The following FBXO22 variants were observed in gnomAD, a reference collection of about 807,000 sequenced individuals.
The protein encoded by FBXO22 is F-box only protein 22.
A neutral mutation model predicts 37.2 loss-of-function variants in FBXO22; 13 were observed. That is an observed-to-expected ratio of 0.35 (90% CI 0.23 to 0.56). The LOEUF (loss-of-function observed/expected upper bound fraction) is 0.56, where lower values mean the gene tolerates loss of function less well. FBXO22 is among the 20% of genes least tolerant of loss of function. The pLI is 0.87. For synonymous variants in FBXO22, 189 were observed against 189.1 expected (o/e 1.00, Z 0.00); for missense variants, 446 against 509.9 (o/e 0.87, Z 1.21).
intron 5 of FBXO22, among the ~76,000 whole-genome samples, chr15:75,919,626 GA>G (rs1167712753): frequency 6.6e-6 from 1 of 152,202 alleles, no homozygotes; most frequent in Non-Finnish European, 1.5e-5. Flanking sequence ...TAAATGAAAT[GA>G]CTTTCATAAA....
chr15:75,934,410 ATG>A lies in FBXO22; in HGVS notation c.*1309_*1310del. On this transcript the variant is annotated 3_prime_UTR_variant, in exon 7 of 7. Coordinates refer to ENST00000308275, the MANE Select transcript of FBXO22 (RefSeq NM_147188.3). ...ATTAGCATATTCCATCTAATACAGT[ATG>A]ATGTAACTAATGTTACTTTTGTAAC... 6.6e-6 allele frequency: 1 copy of A among 152,262 alleles called. No homozygotes were observed. The highest frequency in any genetic ancestry group is 2.4e-5 in the African/African-American group (1 of 41,476). 9.4% of individuals were successfully genotyped at this position (152,262 alleles called of 1,614,324 possible).
intron 1 of FBXO22, 126 bp downstream of exon 1, chr15:75,904,229 C>T: frequency 7.6e-7 from 1 of 1,322,316 alleles, no homozygotes; most frequent in African/African-American, 1.5e-5. Context: ...CTCGCCCTAC[C>T]TGAGGTGACC....
At chr15:75,916,790 A>G (rs1445579094) in intron 4 of FBXO22, among the ~76,000 whole-genome samples, 1 of 152,032 alleles carries the variant, frequency 6.6e-6, no homozygotes, top group Non-Finnish European at 1.5e-5. Context: ...TTTATTTTCT[A>G]TTTGAAATTA....
chr15:75,905,990 T>C (rs1362874454), intron 2 of FBXO22, among the ~76,000 whole-genome samples: 1 of 152,212 alleles, frequency 6.6e-6, no homozygotes, highest in Non-Finnish European at 1.5e-5. Flanking sequence ...AATATCGTGT[T>C]TCAATTCATT....
chr15:75,922,894 G>T (rs1900357839), intron 5 of FBXO22, among the ~76,000 whole-genome samples: 1 of 152,200 alleles, frequency 6.6e-6, no homozygotes, highest in African/African-American at 2.4e-5. Context: ...GGGTGATGGT[G>T]GTGCAGAGAC....
At chr15:75,918,651 C>A (rs1900245417) in intron 5 of FBXO22, among the ~76,000 whole-genome samples, 1 of 152,166 alleles carries the variant, frequency 6.6e-6, no homozygotes, top group Admixed American at 6.5e-5. Flanking sequence ...GGTATACATA[C>A]ATAATGAAAT....
chr15:75,933,132 T>G lies in FBXO22; in HGVS notation c.*30T>G. On this transcript the variant is annotated 3_prime_UTR_variant, in exon 7 of 7. Coordinates refer to ENST00000308275, the MANE Select transcript of FBXO22 (RefSeq NM_147188.3). ...TAAAGTGGCTTTCATAATATGTAAC[T>G]TTTGGGTTCTGCCTTTTTCAGAAAA... 2 of 1,547,766 alleles carry G rather than the reference T, an allele frequency of 1.3e-6. No homozygotes were observed. Among genetic ancestry groups the G allele is most frequent in the Non-Finnish European group, 1.7e-6 (2 of 1,149,536 alleles).
intron 2 of FBXO22, among the ~76,000 whole-genome samples, chr15:75,907,279 A>G (rs1431027865): frequency 6.6e-6 from 1 of 152,172 alleles, no homozygotes; most frequent in African/African-American, 2.4e-5. Flanking sequence ...AAAAATAATA[A>G]TTTTCCTATG....
chr15:75,930,161 T>C (rs2029963480), intron 6 of FBXO22, 112 bp downstream of exon 6: 1 of 1,558,418 alleles, frequency 6.4e-7, no homozygotes, highest in East Asian at 2.3e-5. Flanking sequence ...ATTAAGATAA[T>C]AGTTCATTCC....
chr15:75,921,060 A>AGT (rs1900312138), intron 5 of FBXO22, among the ~76,000 whole-genome samples: 2 of 152,228 alleles, frequency 1.3e-5, no homozygotes, highest in Admixed American at 1.3e-4. Flanking sequence ...TAGGCTATAC[A>AGT]GTGTAGCCTA....
chr15:75,917,849 C>T (rs564639674), intron 5 of FBXO22, among the ~76,000 whole-genome samples: 2 of 152,148 alleles, frequency 1.3e-5, no homozygotes, highest in African/African-American at 4.8e-5. Context: ...AGTAAAGTGA[C>T]CCTGATGAGT....
intron 6 of FBXO22, 58 bp from the exon 7 acceptor site, chr15:75,932,627 T>C: frequency 6.7e-7 from 1 of 1,494,252 alleles, no homozygotes; most frequent in Non-Finnish European, 8.9e-7. Context: ...GGATTTTGCT[T>C]CTATACTTAA....
At chr15:75,905,434 A>G (rs1330020844) in intron 2 of FBXO22, 1 of 152,254 alleles carries the variant, frequency 6.6e-6, no homozygotes, top group East Asian at 1.9e-4. Context: ...TGGGGAGTGG[A>G]AGGGAACCAT....
At chr15:75,928,874 A>T (rs940544998) in intron 5 of FBXO22, among the ~76,000 whole-genome samples, 2 of 152,180 alleles carry the variant, frequency 1.3e-5, no homozygotes, top group African/African-American at 4.8e-5. Flanking sequence ...TGTGTCACAG[A>T]ATTGAACATT....
chr15:75,905,953 T>C (rs1899920154), intron 2 of FBXO22, among the ~76,000 whole-genome samples: 1 of 152,234 alleles, frequency 6.6e-6, no homozygotes, highest in Admixed American at 6.5e-5. Context: ...ATGATTGTTT[T>C]GTGAAGAGAT....
At chr15:75,905,224 T>C (rs374585584) in intron 2 of FBXO22, among the ~76,000 whole-genome samples, 11 of 152,198 alleles carry the variant, frequency 7.2e-5, no homozygotes, top group African/African-American at 2.4e-4. Flanking sequence ...GTTGTCTGTT[T>C]TACCGGGAAG....
At chr15:75,904,303 C>A in intron 1 of FBXO22, 188 bp from the exon 2 acceptor site, 1 of 1,088,544 alleles carries the variant, frequency 9.2e-7, no homozygotes, top group Non-Finnish European at 1.3e-6. Flanking sequence ...GGGCGAAGTT[C>A]CCCTTAAGGT....
chr15:75,912,204 A>C (rs897112020), intron 2 of FBXO22, among the ~76,000 whole-genome samples: 1 of 151,862 alleles, frequency 6.6e-6, no homozygotes, highest in African/African-American at 2.4e-5. Flanking sequence ...TCATATCGAT[A>C]TTCAGGGATA....
At chr15:75,929,595 A>G (rs335678) in intron 5 of FBXO22, among the ~76,000 whole-genome samples, 142,769 of 151,946 alleles carry the variant, frequency 0.94, 67,363 homozygotes, top group East Asian at 1. Flanking sequence ...TAGCTGCTTC[A>G]TTATTTGTGT....
Sources: gnomAD v4.1 joint callset for allele counts (sites outside exome capture counted in the v4.1 genomes callset) on GRCh38, gnomAD v4.1.1 for gene constraint, MANE v1.5 for transcripts, NCBI Gene and HGNC (gene_info 2026-07-23, HGNC 2026-07-21) for gene names.